Variants in CBFA2T2 observed in about 807,000 individuals in gnomAD.
CBFA2T2 encodes CBFA2/RUNX1 partner transcriptional co-repressor 2, also known as protein CBFA2T2.
Under a neutral mutation model 62.2 loss-of-function variants are expected in CBFA2T2, and 11 were observed. The observed-to-expected ratio is 0.18, with a 90% CI of 0.11 to 0.29. The LOEUF (loss-of-function observed/expected upper bound fraction) is 0.29. Among genes scored for constraint, CBFA2T2 ranks in the 10% least tolerant of loss-of-function variants. The pLI is 1.00. For synonymous variants in CBFA2T2, 295 were observed against 287.5 expected, an observed-to-expected ratio of 1.03 and a Z score of -0.27; for missense variants, 592 against 774.1, an observed-to-expected ratio of 0.76 and a Z score of 2.79.
At position 33,646,706 on chromosome 20, in the gene CBFA2T2, G is replaced by A. The variant is rs953596134; in HGVS notation, c.*2060G>A. ...CCCTGTCTCTAATAAAAAAAAAATA[G>A]AAAAATCAGCCGGGTGTGGTGGCAC... On this transcript the variant is annotated 3_prime_UTR_variant, in exon 11 of 11. Coordinates refer to ENST00000342704, the MANE Select transcript of CBFA2T2 (RefSeq NM_001032999.3). 3 of 151,218 alleles carry A rather than the reference G, an allele frequency of 2.0e-5. No homozygotes were observed. The highest frequency in any genetic ancestry group is 4.4e-5 in the Non-Finnish European group (3 of 67,786). 9.4% of individuals were successfully genotyped at this position (151,218 alleles called of 1,614,324 possible).
chr20:33,635,385 A>G (rs542851702), intron 8 of CBFA2T2, among the ~76,000 whole-genome samples: 2 of 152,330 alleles, frequency 1.3e-5, no homozygotes, highest in East Asian at 3.9e-4. Flanking sequence ...AGAGGATCCA[A>G]CACAAGAAAG....
chr20:33,622,774 A>G (rs1195197512), intron 4 of CBFA2T2, among the ~76,000 whole-genome samples: 1 of 152,204 alleles, frequency 6.6e-6, no homozygotes, highest in African/African-American at 2.4e-5. Flanking sequence ...AGGCAGTAGT[A>G]ATTCTCTCAC....
chr20:33,548,250 T>A (rs975202903), intron 1 of CBFA2T2, among the ~76,000 whole-genome samples: 1 of 151,756 alleles, frequency 6.6e-6, no homozygotes, highest in Non-Finnish European at 1.5e-5. Context: ...TTTTTATTTT[T>A]TTTATTTTTT....
chr20:33,560,662 A>G (rs2013051210), intron 1 of CBFA2T2, among the ~76,000 whole-genome samples: 3 of 152,224 alleles, frequency 2.0e-5, no homozygotes, highest in South Asian at 2.1e-4. Flanking sequence ...CATGACAGAA[A>G]TATTGTTTAC....
At chr20:33,561,105 T>G (rs889817099) in intron 1 of CBFA2T2, among the ~76,000 whole-genome samples, 4 of 152,268 alleles carry the variant, frequency 2.6e-5, no homozygotes, top group African/African-American at 9.6e-5. Flanking sequence ...CTTGATCTCT[T>G]GAGCTTGTGA....
At chr20:33,608,326 A>C (rs1163997130) in intron 2 of CBFA2T2, among the ~76,000 whole-genome samples, 1 of 152,216 alleles carries the variant, frequency 6.6e-6, no homozygotes, top group Non-Finnish European at 1.5e-5. Context: ...GTGTCAGAGC[A>C]CTGAGCTAGA....
In CBFA2T2 at chr20:33,644,828, G is replaced by C. The variant is rs114362465; in HGVS notation, c.*182G>C. ...CCTCTCTGTGCACTTGCTGTCTGCG[G>C]AGCCAGTGTGCCATTCTCTGCACAT... On this transcript the variant is annotated 3_prime_UTR_variant, in exon 11 of 11. Coordinates refer to ENST00000342704, the MANE Select transcript of CBFA2T2 (RefSeq NM_001032999.3). 2.6e-3 allele frequency: 1,729 copies of C among 654,388 alleles called. 15 individuals carry two copies. The African/African-American group carries it at 0.027, about 10-fold the overall frequency. The allele number at this position is 654,388 out of a possible 1,614,324, so 40.5% of individuals were successfully genotyped here.
intron 1 of CBFA2T2, among the ~76,000 whole-genome samples, chr20:33,598,129 TCACAGGAC>T (rs1056934771): frequency 1.3e-5 from 2 of 152,098 alleles, no homozygotes; most frequent in African/African-American, 4.8e-5. Context: ...CAGGGCAAGA[TCACAGGAC>T]CACAGGACCA....
intron 1 of CBFA2T2, among the ~76,000 whole-genome samples, chr20:33,496,127 C>CA (rs143291464): frequency 2.3e-4 from 35 of 152,228 alleles, no homozygotes; most frequent in African/African-American, 8.4e-4. Context: ...AGGTAAGGTC[C>CA]AGCTAAAGGG....
chr20:33,644,276 C>T, intron 10 of CBFA2T2, 71 bp from the exon 11 acceptor site: 1 of 1,534,484 alleles, frequency 6.5e-7, no homozygotes. Flanking sequence ...CCTTGCTTTA[C>T]TGTGCAGGGA....
At chr20:33,605,701 T>C (rs1170990657) in intron 1 of CBFA2T2, among the ~76,000 whole-genome samples, 1 of 152,222 alleles carries the variant, frequency 6.6e-6, no homozygotes, top group African/African-American at 2.4e-5. Context: ...TTTCATCTTT[T>C]TGAACAATGT....
chr20:33,569,527 T>C (rs768685807), intron 1 of CBFA2T2, among the ~76,000 whole-genome samples: 15 of 152,204 alleles, frequency 9.9e-5, no homozygotes, highest in Non-Finnish European at 1.8e-4. Flanking sequence ...AAACTCTAGA[T>C]AGAATTTCAA....
chr20:33,628,273 T>C, intron 6 of CBFA2T2, 77 bp from the exon 7 acceptor site: 1 of 916,078 alleles, frequency 1.1e-6, no homozygotes, highest in Non-Finnish European at 1.8e-6. Flanking sequence ...TATGAATATG[T>C]GTGTATTTAC....
chr20:33,508,488 T>C (rs1346537943), intron 1 of CBFA2T2, among the ~76,000 whole-genome samples: 1 of 152,112 alleles, frequency 6.6e-6, no homozygotes, highest in Non-Finnish European at 1.5e-5. Flanking sequence ...ATAGGTAAAC[T>C]TGTGTCATGG....
Position 33,644,997 on chromosome 20 carries a change from C to T in CBFA2T2, c.*351C>T, listed in dbSNP as rs940000413. The T allele has an allele frequency of 4.5e-6, 1 of 222,332 alleles. No homozygotes were observed. The allele number at this position is 222,332 out of a possible 1,614,324, so 13.8% of individuals were successfully genotyped here. On this transcript the variant is annotated 3_prime_UTR_variant, in exon 11 of 11. Transcript: ENST00000342704. ...GAGTCAGCAGACTGTCCAATGTGCT[C>T]AGCCAGGCTGGAGGCGGCAGGCGGC... is the stretch of plus-strand genomic sequence containing the variant.
intron 1 of CBFA2T2, among the ~76,000 whole-genome samples, chr20:33,580,526 T>A (rs1568831379): frequency 6.6e-6 from 1 of 152,178 alleles, no homozygotes; most frequent in Non-Finnish European, 1.5e-5. Context: ...TTTTTTATAT[T>A]CTTCATTACG....
intron 1 of CBFA2T2, among the ~76,000 whole-genome samples, chr20:33,556,827 A>T (rs1441693740): frequency 6.6e-6 from 1 of 151,986 alleles, no homozygotes; most frequent in Non-Finnish European, 1.5e-5. Context: ...TTGATTGGTT[A>T]AAAAAATTAA....
chr20:33,557,954 G>A (rs2012957046), intron 1 of CBFA2T2, among the ~76,000 whole-genome samples: 2 of 151,814 alleles, frequency 1.3e-5, no homozygotes, highest in South Asian at 4.2e-4. Context: ...TTCTGCCTAA[G>A]CCTCCCAAGT....
chr20:33,538,410 C>A (rs1407725401), intron 1 of CBFA2T2, among the ~76,000 whole-genome samples: 1 of 151,604 alleles, frequency 6.6e-6, no homozygotes, highest in East Asian at 1.9e-4. Flanking sequence ...CCTGCTTTCT[C>A]ACCCAGACTG....
Sources: gnomAD v4.1 joint callset for allele counts (sites outside exome capture counted in the v4.1 genomes callset) on GRCh38, gnomAD v4.1.1 for gene constraint, MANE v1.5 for transcripts, NCBI Gene and HGNC (gene_info 2026-07-23, HGNC 2026-07-21) for gene names.